Variants in RNF150 observed in about 807,000 individuals in gnomAD.
RNF150 encodes ring finger protein 150.
In RNF150, 24 loss-of-function variants were observed where a neutral mutation model predicts 39.3. That is an observed-to-expected ratio of 0.61 (90% CI 0.44 to 0.86). The LOEUF (loss-of-function observed/expected upper bound fraction) is 0.86. RNF150 is among the 40% of genes least tolerant of loss of function. The pLI is 0.00. For missense variants in RNF150, 502 were observed against 587.8 expected, an observed-to-expected ratio of 0.85 and a Z score of 1.51; for synonymous variants, 255 against 227.3, an observed-to-expected ratio of 1.12 and a Z score of -1.10.
intron 1 of RNF150, among the ~76,000 whole-genome samples, chr4:141,030,498 T>G (rs1056463722): frequency 2.0e-5 from 3 of 152,146 alleles, no homozygotes; most frequent in Admixed American, 6.5e-5. Context: ...AAGAGATATT[T>G]GCAAACCCAT....
chr4:140,879,694 T>G (rs1265255109), intron 6 of RNF150, among the ~76,000 whole-genome samples: 1 of 152,058 alleles, frequency 6.6e-6, no homozygotes, highest in Non-Finnish European at 1.5e-5. Flanking sequence ...TGGTGGCACA[T>G]GTCTGTGGAC....
intron 1 of RNF150, among the ~76,000 whole-genome samples, chr4:141,033,729 C>T (rs907987542): frequency 6.6e-6 from 1 of 152,200 alleles, no homozygotes; most frequent in African/African-American, 2.4e-5. Context: ...ATCTCCCTCC[C>T]CATCTCCATC....
At chr4:141,014,742 T>G (rs1238691340) in intron 1 of RNF150, among the ~76,000 whole-genome samples, 1 of 152,144 alleles carries the variant, frequency 6.6e-6, no homozygotes, top group African/African-American at 2.4e-5. Flanking sequence ...TATTAGCCCC[T>G]TATCAGATGT....
At chr4:140,981,995 T>G (rs1733875846) in intron 1 of RNF150, among the ~76,000 whole-genome samples, 1 of 152,158 alleles carries the variant, frequency 6.6e-6, no homozygotes, top group Non-Finnish European at 1.5e-5. Context: ...CCATCACATG[T>G]TTTTCACCAT....
intron 1 of RNF150, among the ~76,000 whole-genome samples, chr4:141,194,256 C>A (rs1014245436): frequency 6.6e-6 from 1 of 152,144 alleles, no homozygotes; most frequent in African/African-American, 2.4e-5. Context: ...TATACACATT[C>A]AAAGTGTTGA....
chr4:141,162,114 G>A (rs1727523710), intron 1 of RNF150, among the ~76,000 whole-genome samples: 1 of 152,200 alleles, frequency 6.6e-6, no homozygotes, highest in South Asian at 2.1e-4. Context: ...AAAACCTCTA[G>A]CACTCAACGC....
intron 1 of RNF150, among the ~76,000 whole-genome samples, chr4:140,999,017 G>A (rs2111495496): frequency 7.7e-6 from 1 of 130,210 alleles, no homozygotes; most frequent in Middle Eastern, 4.8e-3. Flanking sequence ...TGCTGCTGCT[G>A]CTGCTGACAC....
intron 6 of RNF150, among the ~76,000 whole-genome samples, chr4:140,876,644 C>T (rs898148614): frequency 6.6e-6 from 1 of 152,160 alleles, no homozygotes; most frequent in Non-Finnish European, 1.5e-5. Context: ...CACAATAATA[C>T]CGCTATGATG....
At chr4:140,963,800 G>A (rs537881803) in intron 2 of RNF150, among the ~76,000 whole-genome samples, 4 of 152,028 alleles carry the variant, frequency 2.6e-5, no homozygotes, top group African/African-American at 9.6e-5. Flanking sequence ...CTTAGACTAT[G>A]GCCATTGGAA....
intron 1 of RNF150, among the ~76,000 whole-genome samples, chr4:141,003,696 AAG>A (rs1180901490): frequency 6.6e-6 from 1 of 152,080 alleles, no homozygotes; most frequent in Non-Finnish European, 1.5e-5. Context: ...ATGTGAGAGA[AAG>A]AGAAAAGCTG....
chr4:141,148,961 G>C (rs2111137376), intron 1 of RNF150, among the ~76,000 whole-genome samples: 1 of 152,284 alleles, frequency 6.6e-6, no homozygotes, highest in East Asian at 1.9e-4. Context: ...CATAGAGCCT[G>C]TCTTTATTGA....
At chr4:140,937,216 C>T (rs759415946) in intron 4 of RNF150, among the ~76,000 whole-genome samples, 11 of 152,126 alleles carry the variant, frequency 7.2e-5, no homozygotes, top group Admixed American at 6.5e-4. Context: ...TAAATAAACT[C>T]TAAAAACGAA....
chr4:141,097,216 T>C (rs1345067919), intron 1 of RNF150, among the ~76,000 whole-genome samples: 6 of 152,182 alleles, frequency 3.9e-5, no homozygotes. Flanking sequence ...AAGGACCTTC[T>C]TGTGTGCACC....
intron 6 of RNF150, among the ~76,000 whole-genome samples, chr4:140,906,956 T>G (rs1298569621): frequency 6.6e-6 from 1 of 152,176 alleles, no homozygotes; most frequent in Non-Finnish European, 1.5e-5. Flanking sequence ...CACAGGAAGG[T>G]TTCAGACCCC....
intron 4 of RNF150, among the ~76,000 whole-genome samples, chr4:140,929,706 G>A (rs1731549265): frequency 6.6e-6 from 1 of 152,098 alleles, no homozygotes; most frequent in South Asian, 2.1e-4. Context: ...CAAGGCTGTA[G>A]TATAGTTCTT....
At position 140,886,441 on chromosome 4, in the gene RNF150, A is replaced by G. The variant is rs1729580762; in HGVS notation, c.1199-18062T>C. 2.0e-5 allele frequency among the ~76,000 whole-genome samples: 3 copies of G among 152,152 alleles called. No individual in the cohort carries two copies. In the South Asian group the frequency reaches 6.2e-4, roughly 32 times the overall value. The stretch of plus-strand genomic sequence containing the variant: ...TAGTGACATAAGGCAGGTCACCCAC[A>G]TGCTTTGCCCATTTTTAAATTGGGT... On this transcript the variant is annotated intron_variant, in intron 6 of 6. Transcript: ENST00000515673.
chr4:141,031,948 G>C (rs1401962059), intron 1 of RNF150, among the ~76,000 whole-genome samples: 1 of 151,924 alleles, frequency 6.6e-6, no homozygotes, highest in Non-Finnish European at 1.5e-5. Context: ...ATTCACAATA[G>C]TCAAGATATA....
chr4:140,896,833 C>G (rs1157777804), intron 6 of RNF150, among the ~76,000 whole-genome samples: 1 of 151,836 alleles, frequency 6.6e-6, no homozygotes. Flanking sequence ...CCTGCACCAC[C>G]GTGTGTAGGT....
At chr4:141,149,072 A>G (rs571330037) in intron 1 of RNF150, among the ~76,000 whole-genome samples, 94 of 152,336 alleles carry the variant, frequency 6.2e-4, no homozygotes, top group Admixed American at 1.2e-3. Flanking sequence ...CATGTAGTCA[A>G]GTAAATATTC....
Sources: gnomAD v4.1 joint callset for allele counts (sites outside exome capture counted in the v4.1 genomes callset) on GRCh38, gnomAD v4.1.1 for gene constraint, MANE v1.5 for transcripts, NCBI Gene and HGNC (gene_info 2026-07-23, HGNC 2026-07-21) for gene names.